Variants in PDSS2 observed in about 807,000 individuals in gnomAD.
PDSS2 encodes decaprenyl diphosphate synthase subunit 2.
In PDSS2, 31 loss-of-function variants were observed where a neutral mutation model predicts 44.5. That is an observed-to-expected ratio of 0.70 (90% CI 0.52 to 0.94). PDSS2 has a LOEUF of 0.94. PDSS2 is among the 40% of genes least tolerant of loss of function. PDSS2 has a pLI of 0.00. For synonymous variants in PDSS2, 157 were observed against 180.3 expected, an observed-to-expected ratio of 0.87 and a Z score of 1.03; for missense variants, 452 against 482.2, an observed-to-expected ratio of 0.94 and a Z score of 0.59.
intron 1 of PDSS2, among the ~76,000 whole-genome samples, chr6:107,362,962 T>C (rs925826356): frequency 1.3e-5 from 2 of 152,222 alleles, no homozygotes; most frequent in East Asian, 1.9e-4. Context: ...GATAGATCAA[T>C]AGTAATTATT....
intron 2 of PDSS2, among the ~76,000 whole-genome samples, chr6:107,315,081 T>C (rs1257758675): frequency 6.6e-6 from 1 of 152,218 alleles, no homozygotes; most frequent in Non-Finnish European, 1.5e-5. Flanking sequence ...ACTGTCATTA[T>C]ATATAATTTT....
intron 1 of PDSS2, among the ~76,000 whole-genome samples, chr6:107,345,017 A>G (rs999465605): frequency 2.6e-5 from 4 of 152,106 alleles, no homozygotes; most frequent in African/African-American, 9.7e-5. Flanking sequence ...ACATTTTAAA[A>G]ATCAATTTAG....
At chr6:107,159,677 C>G (rs1562340760) in intron 7 of PDSS2, among the ~76,000 whole-genome samples, 1 of 151,968 alleles carries the variant, frequency 6.6e-6, no homozygotes, top group East Asian at 2.0e-4. Context: ...CTCGGCCTCC[C>G]AAAGTGCTGG....
At chr6:107,366,230 T>C (rs1026112843) in intron 1 of PDSS2, among the ~76,000 whole-genome samples, 3 of 152,000 alleles carry the variant, frequency 2.0e-5, no homozygotes, top group Middle Eastern at 3.2e-3. Flanking sequence ...TAGAAAGAAA[T>C]AGGGGAAAAC....
intron 2 of PDSS2, among the ~76,000 whole-genome samples, chr6:107,321,184 T>C (rs993793717): frequency 4.6e-5 from 7 of 152,178 alleles, no homozygotes; most frequent in African/African-American, 1.7e-4. Flanking sequence ...ACAGCAGGTG[T>C]TCAATAAATG....
At chr6:107,234,770 G>A (rs1238202498) in intron 4 of PDSS2, among the ~76,000 whole-genome samples, 5 of 152,096 alleles carry the variant, frequency 3.3e-5, no homozygotes, top group African/African-American at 9.6e-5. Flanking sequence ...TTATTCCCAT[G>A]GCCAATGTAC....
intron 1 of PDSS2, among the ~76,000 whole-genome samples, chr6:107,342,675 G>A (rs552589339): frequency 6.6e-6 from 1 of 152,276 alleles, no homozygotes; most frequent in Admixed American, 6.5e-5. Context: ...AAGAAGATAA[G>A]TGTACTTCCA....
intron 7 of PDSS2, among the ~76,000 whole-genome samples, chr6:107,169,843 T>C (rs4945772): frequency 0.69 from 105,460 of 151,918 alleles, 37,000 homozygotes; most frequent in African/African-American, 0.74. Flanking sequence ...CTGGAAGCCT[T>C]GTCTCAGAGG....
intron 1 of PDSS2, among the ~76,000 whole-genome samples, chr6:107,363,096 G>A (rs1442952551): frequency 6.6e-6 from 1 of 152,158 alleles, no homozygotes; most frequent in Non-Finnish European, 1.5e-5. Context: ...GGAAAAGTGA[G>A]AAAGGGGCAC....
At chr6:107,190,911 A>C (rs1404555719) in intron 7 of PDSS2, among the ~76,000 whole-genome samples, 1 of 151,444 alleles carries the variant, frequency 6.6e-6, no homozygotes, top group Non-Finnish European at 1.5e-5. Context: ...TTTTTTTTTG[A>C]GACGGAGTCT....
Position 107,178,865 on chromosome 6 carries a change from C to T in PDSS2, c.1041+14957G>A, listed in dbSNP as rs1422833704. Among the ~76,000 whole-genome samples the T allele has an allele frequency of 2.0e-5, 3 of 152,038 alleles. No homozygotes were observed. In the South Asian group the frequency reaches 6.2e-4, roughly 32 times the overall value. On this transcript the variant is annotated intron_variant, in intron 7 of 7. Transcript: ENST00000369037. The stretch of plus-strand genomic sequence containing the variant: ...GTGAAACCCTGTCTCTTAAAAAAAA[C>T]AAATAACAAAAGAGAATACACATTG...
At chr6:107,230,693 TGAGAAAAACATGCCCAAGA>T (rs1774019395) in intron 4 of PDSS2, among the ~76,000 whole-genome samples, 1 of 151,412 alleles carries the variant, frequency 6.6e-6, no homozygotes, top group Non-Finnish European at 1.5e-5. Flanking sequence ...CTCATAGTGA[TGAGAAAAACATGCCCAAGA>T]GAGCCTCTTA....
At chr6:107,202,746 T>C (rs1328557944) in intron 6 of PDSS2, among the ~76,000 whole-genome samples, 2 of 152,118 alleles carry the variant, frequency 1.3e-5, no homozygotes, top group Non-Finnish European at 2.9e-5. Context: ...TAATCGACTT[T>C]TAGAGGCAAG....
At chr6:107,332,783 C>T (rs569593153) in intron 2 of PDSS2, among the ~76,000 whole-genome samples, 1 of 152,234 alleles carries the variant, frequency 6.6e-6, no homozygotes, top group East Asian at 1.9e-4. Context: ...ATTATAAGAA[C>T]CAAATGGAAT....
At chr6:107,227,053 C>T (rs1357760000) in intron 4 of PDSS2, among the ~76,000 whole-genome samples, 1 of 151,388 alleles carries the variant, frequency 6.6e-6, no homozygotes, top group African/African-American at 2.4e-5. Context: ...AATCTTGGCT[C>T]ATTGCAATCT....
chr6:107,239,586 T>C (rs1774345337), intron 4 of PDSS2, among the ~76,000 whole-genome samples: 1 of 151,692 alleles, frequency 6.6e-6, no homozygotes, highest in South Asian at 2.1e-4. Flanking sequence ...TATTTTCCTC[T>C]TGACCTTTTT....
At chr6:107,384,113 G>A (rs1779534282) in intron 1 of PDSS2, among the ~76,000 whole-genome samples, 1 of 152,036 alleles carries the variant, frequency 6.6e-6, no homozygotes, top group South Asian at 2.1e-4. Context: ...CAACATAGAC[G>A]AACCCTGAAG....
intron 2 of PDSS2, among the ~76,000 whole-genome samples, chr6:107,290,164 GA>G (rs1776296411): frequency 6.6e-6 from 1 of 152,132 alleles, no homozygotes; most frequent in South Asian, 2.1e-4. Flanking sequence ...TTTACACCAC[GA>G]TTTGCCAAAC....
At chr6:107,455,335 G>A (rs528299478) in intron 1 of PDSS2, among the ~76,000 whole-genome samples, 1 of 151,180 alleles carries the variant, frequency 6.6e-6, no homozygotes, top group South Asian at 2.1e-4. Flanking sequence ...GCTCTTTTTA[G>A]CTTCACCCTT....
Sources: gnomAD v4.1 joint callset for allele counts (sites outside exome capture counted in the v4.1 genomes callset) on GRCh38, gnomAD v4.1.1 for gene constraint, MANE v1.5 for transcripts, NCBI Gene and HGNC (gene_info 2026-07-23, HGNC 2026-07-21) for gene names.